The following ZNF704 variants were observed in gnomAD, a reference collection of about 807,000 sequenced individuals.
The protein encoded by ZNF704 is zinc finger protein 704, also known as glucocorticoid induced gene 1.
Under a neutral mutation model 44.7 loss-of-function variants are expected in ZNF704, and 10 were observed. That is an observed-to-expected ratio of 0.22 (90% CI 0.14 to 0.38). The LOEUF (loss-of-function observed/expected upper bound fraction) is 0.38. Ranked by LOEUF, ZNF704 falls within the 10% of genes least tolerant of loss-of-function variation. ZNF704 has a pLI of 1.00. For missense variants in ZNF704, 390 were observed against 545.5 expected (o/e 0.71, Z 2.84); for synonymous variants, 211 against 207.6 (o/e 1.02, Z -0.14).
chr8:80,716,361 A>C (rs1421756984), intron 2 of ZNF704, among the ~76,000 whole-genome samples: 1 of 152,226 alleles, frequency 6.6e-6, no homozygotes, highest in Admixed American at 6.5e-5. Flanking sequence ...TGCTTTCTAA[A>C]GCACTTCTTT....
At chr8:80,866,135 T>C (rs1469396995) in intron 1 of ZNF704, among the ~76,000 whole-genome samples, 2 of 152,182 alleles carry the variant, frequency 1.3e-5, no homozygotes, top group Non-Finnish European at 2.9e-5. Context: ...AACCACAGAA[T>C]CTTCTTCATA....
chr8:80,787,445 C>T (rs1038750613), intron 2 of ZNF704, among the ~76,000 whole-genome samples: 8 of 152,152 alleles, frequency 5.3e-5, no homozygotes, highest in East Asian at 1.9e-4. Flanking sequence ...GAGATCAAAG[C>T]GCTTCCTATG....
chr8:80,685,054 A>G, intron 4 of ZNF704, among the ~76,000 whole-genome samples: 1 of 152,146 alleles, frequency 6.6e-6, no homozygotes, highest in East Asian at 1.9e-4. Flanking sequence ...AGAAAGAAGG[A>G]TAAACACTAT....
chr8:80,824,934 T>C (rs1808346135), intron 1 of ZNF704, among the ~76,000 whole-genome samples: 1 of 151,954 alleles, frequency 6.6e-6, no homozygotes, highest in Non-Finnish European at 1.5e-5. Flanking sequence ...GCACTAAACA[T>C]GGAAAGGAAC....
intron 2 of ZNF704, among the ~76,000 whole-genome samples, chr8:80,771,098 GCA>G (rs1194290066): frequency 6.6e-6 from 1 of 152,128 alleles, no homozygotes; most frequent in African/African-American, 2.4e-5. Context: ...TCCACAAATA[GCA>G]CACAGTCTGG....
At chr8:80,708,384 A>G (rs1245330338) in intron 2 of ZNF704, among the ~76,000 whole-genome samples, 3 of 152,248 alleles carry the variant, frequency 2.0e-5, no homozygotes, top group Non-Finnish European at 4.4e-5. Context: ...TGGCCAGGGC[A>G]TATCCAGTTT....
At chr8:80,813,604 G>A (rs960686031) in intron 2 of ZNF704, among the ~76,000 whole-genome samples, 2 of 152,114 alleles carry the variant, frequency 1.3e-5, no homozygotes, top group Non-Finnish European at 2.9e-5. Context: ...GAGGCCGGGC[G>A]CGGTGGCTCA....
rs58095648 is a variant in ZNF704, at chr8:80,843,859, G to A, written c.-21-22244C>T. Among the ~76,000 whole-genome samples the A allele has an allele frequency of 3.6e-3, 551 of 151,712 alleles. 3 individuals are homozygous for A. The highest frequency in any genetic ancestry group is 0.012 in the African/African-American group (510 of 41,348). Reference sequence around the variant, plus strand: ...TAGTAGACCTTTGAAAAGAGCATTCGCTTGAAAAGTCATCATGAATTCAAC... The same window carrying A: ...TAGTAGACCTTTGAAAAGAGCATTCACTTGAAAAGTCATCATGAATTCAAC... On this transcript the variant is annotated intron_variant, in intron 1 of 8. Coordinates refer to ENST00000327835, the MANE Select transcript of ZNF704 (RefSeq NM_001033723.3).
intron 2 of ZNF704, among the ~76,000 whole-genome samples, chr8:80,770,526 A>T (rs1035983224): frequency 6.6e-6 from 1 of 152,084 alleles, no homozygotes; most frequent in African/African-American, 2.4e-5. Flanking sequence ...CTGTCTGTTC[A>T]TGTTGTTTGC....
At chr8:80,721,988 G>C (rs190650825) in intron 2 of ZNF704, among the ~76,000 whole-genome samples, 1 of 152,166 alleles carries the variant, frequency 6.6e-6, no homozygotes, top group African/African-American at 2.4e-5. Flanking sequence ...TATAATCCCA[G>C]CACTTTGGGA....
chr8:80,777,426 C>T (rs1031195008), intron 2 of ZNF704, among the ~76,000 whole-genome samples: 8 of 152,128 alleles, frequency 5.3e-5, no homozygotes, highest in Non-Finnish European at 1.2e-4. Flanking sequence ...TGAACAATGT[C>T]AAACCTACAG....
intron 1 of ZNF704, among the ~76,000 whole-genome samples, chr8:80,825,157 A>AGT (rs1563567083): frequency 2.0e-5 from 3 of 152,224 alleles, no homozygotes; most frequent in Non-Finnish European, 2.9e-5. Context: ...AAGATCCATC[A>AGT]GTGTGCTGTA....
chr8:80,849,476 T>A (rs1163291280), intron 1 of ZNF704, among the ~76,000 whole-genome samples: 1 of 152,110 alleles, frequency 6.6e-6, no homozygotes, highest in Non-Finnish European at 1.5e-5. Flanking sequence ...AACAAATCTA[T>A]CCCATCAGAG....
chr8:80,645,149 A>G lies in ZNF704; in HGVS notation c.1033-2020T>C, dbSNP rs1817808283. Reference sequence around the variant, plus strand: ...ACTCCTCGTCGTCGTATTTGTCCAAATAGTAAATTTGTTTGTGCGACATGA... The same window carrying G: ...ACTCCTCGTCGTCGTATTTGTCCAAGTAGTAAATTTGTTTGTGCGACATGA... On this transcript the variant is annotated intron_variant, in intron 7 of 8. Coordinates refer to ENST00000327835, the MANE Select transcript of ZNF704 (RefSeq NM_001033723.3). 4 of 1,605,982 alleles carry G rather than the reference A, an allele frequency of 2.5e-6. No individual in the cohort carries two copies. The Admixed American group carries it at 6.7e-5, about 27-fold the overall frequency.
rs141447055 is a variant in ZNF704 at position 80,672,815 on chromosome 8, G to A, written c.559-2212C>T. ...TGAAAAACTATCTATTGGGTACTAT[G>A]TTCACTACCTGGGTGATAGGCTCAA... On this transcript the variant is annotated intron_variant, in intron 4 of 8. Transcript: ENST00000327835. Among the ~76,000 whole-genome samples the A allele has an allele frequency of 2.7e-3, 413 of 152,132 alleles. 3 individuals are homozygous for A. The highest frequency in any genetic ancestry group is 9.3e-3 in the African/African-American group (385 of 41,490).
intron 2 of ZNF704, among the ~76,000 whole-genome samples, chr8:80,794,930 C>CA (rs1807772487): frequency 6.6e-6 from 1 of 152,122 alleles, no homozygotes. Context: ...TTTATGAAAA[C>CA]AAAAACAAAT....
intron 1 of ZNF704, among the ~76,000 whole-genome samples, chr8:80,863,327 TATGA>T (rs1167830519): frequency 1.3e-5 from 2 of 152,216 alleles, no homozygotes; most frequent in Admixed American, 1.3e-4. Flanking sequence ...TGAAAGCATT[TATGA>T]CAACCTATGA....
intron 7 of ZNF704, among the ~76,000 whole-genome samples, chr8:80,649,642 G>C (rs186560683): frequency 6.6e-6 from 1 of 152,218 alleles, no homozygotes; most frequent in African/African-American, 2.4e-5. Flanking sequence ...GCCGAGGCTT[G>C]AGTAGGTAAA....
At chr8:80,695,714 T>C (rs1818714309) in intron 2 of ZNF704, among the ~76,000 whole-genome samples, 1 of 152,230 alleles carries the variant, frequency 6.6e-6, no homozygotes, top group Admixed American at 6.5e-5. Context: ...ACAGAATGCA[T>C]CATTATAAAA....
Sources: allele counts gnomAD v4.1 joint callset (sites outside exome capture counted in the v4.1 genomes callset), GRCh38; gene constraint gnomAD v4.1.1; transcripts MANE v1.5; gene names NCBI Gene and HGNC (gene_info 2026-07-23, HGNC 2026-07-21).